The following CCDC91 variants were observed in gnomAD, a reference collection of about 807,000 sequenced individuals.
The protein encoded by CCDC91 is coiled-coil domain containing 91, also known as coiled-coil domain-containing protein 91.
In CCDC91, 48 loss-of-function variants were observed where a neutral mutation model predicts 63.2. That is an observed-to-expected ratio of 0.76 (90% CI 0.60 to 0.97). CCDC91 has a LOEUF of 0.97. Among genes scored for constraint, CCDC91 ranks in the 50% least tolerant of loss-of-function variants. The pLI is 0.00. For synonymous variants in CCDC91, 167 were observed against 165.8 expected (o/e 1.01, Z -0.06); for missense variants, 500 against 494.6 (o/e 1.01, Z -0.10).
At chr12:28,194,739 T>C (rs961951223) in intron 1 of CCDC91, among the ~76,000 whole-genome samples, 2 of 149,916 alleles carry the variant, frequency 1.3e-5, no homozygotes, top group African/African-American at 4.9e-5. Context: ...GTGTCCTGAG[T>C]TGTTTGTTCC....
intron 8 of CCDC91, among the ~76,000 whole-genome samples, chr12:28,420,743 G>T (rs1947954069): frequency 6.7e-6 from 1 of 149,936 alleles, no homozygotes; most frequent in Non-Finnish European, 1.5e-5. Context: ...AGTGTTGCAG[G>T]TGTGCATTTT....
intron 7 of CCDC91, among the ~76,000 whole-genome samples, chr12:28,369,129 G>C (rs1265516741): frequency 6.6e-6 from 1 of 152,104 alleles, no homozygotes; most frequent in African/African-American, 2.4e-5. Context: ...CCTCATTGCA[G>C]TATTAACCCA....
chr12:28,544,407 C>T (rs2141848467), intron 12 of CCDC91, among the ~76,000 whole-genome samples: 1 of 151,944 alleles, frequency 6.6e-6, no homozygotes. Context: ...AGTCACTTTA[C>T]CCATGAGTGG....
At chr12:28,419,693 A>G (rs1947887059) in intron 8 of CCDC91, among the ~76,000 whole-genome samples, 2 of 152,092 alleles carry the variant, frequency 1.3e-5, no homozygotes. Context: ...TCAATGCAAC[A>G]TTTACTATGT....
chr12:28,268,594 A>G (rs898897052), intron 3 of CCDC91: 44 of 917,172 alleles, frequency 4.8e-5, no homozygotes, highest in East Asian at 1.2e-4. Flanking sequence ...TGGTTCTGGA[A>G]TTCTTCTTGT....
intron 3 of CCDC91, among the ~76,000 whole-genome samples, chr12:28,282,406 C>T (rs149563668): frequency 2.0e-5 from 3 of 152,226 alleles, no homozygotes; most frequent in African/African-American, 7.2e-5. Flanking sequence ...TAATGGCCTC[C>T]AGTTCCATCC....
intron 6 of CCDC91, among the ~76,000 whole-genome samples, chr12:28,313,499 A>G (rs1470558777): frequency 6.6e-6 from 1 of 152,064 alleles, no homozygotes; most frequent in Non-Finnish European, 1.5e-5. Flanking sequence ...TTTTGGATGT[A>G]TCTGTCAGAA....
At chr12:28,259,487 T>A in intron 3 of CCDC91, 45 bp downstream of exon 3, 21 of 1,236,302 alleles carry the variant, frequency 1.7e-5, no homozygotes, top group Non-Finnish European at 2.4e-5. Context: ...TTTTTTCCCA[T>A]GTAACATTTT....
rs1178055847 is a variant in CCDC91, at chr12:28,199,761, C to G, written c.-15+9120C>G. ...TTTTCTTTTAGGAATTTGAATGTATCTTTCCACTGCCTCTGGCCTCCGTGG... is the reference window on the plus strand; with the variant it reads ...TTTTCTTTTAGGAATTTGAATGTATGTTTCCACTGCCTCTGGCCTCCGTGG... On this transcript the variant is annotated intron_variant, in intron 1 of 12. Coordinates refer to ENST00000536442, the MANE Select transcript of CCDC91 (RefSeq NM_018318.5). Among the ~76,000 whole-genome samples, 3 of 152,324 alleles carry G rather than the reference C, an allele frequency of 2.0e-5. No individual in the cohort carries two copies. In the East Asian group the frequency reaches 5.8e-4, roughly 29 times the overall value.
In CCDC91 at chr12:28,339,066, C is replaced by A. The variant is rs188167127; in HGVS notation, c.577-23372C>A. 9.2e-3 allele frequency among the ~76,000 whole-genome samples: 1,407 copies of A among 152,172 alleles called. 28 individuals carry two copies. The highest frequency in any genetic ancestry group is 0.032 in the African/African-American group (1,337 of 41,508). On this transcript the variant is annotated intron_variant, in intron 6 of 12. Coordinates refer to ENST00000536442, the MANE Select transcript of CCDC91 (RefSeq NM_018318.5). ...ATGTTGGCCAGGCTGGTCTGGAACC[C>A]CCGACCTCAGGTGATCCACCTGCCT...
intron 8 of CCDC91, among the ~76,000 whole-genome samples, chr12:28,408,030 A>G (rs1166386125): frequency 1.3e-5 from 2 of 150,464 alleles, no homozygotes; most frequent in African/African-American, 2.4e-5. Flanking sequence ...GGTTTGTTGC[A>G]TAGGTATACA....
At chr12:28,527,282 G>A (rs533520937) in intron 12 of CCDC91, among the ~76,000 whole-genome samples, 17 of 152,246 alleles carry the variant, frequency 1.1e-4, no homozygotes, top group South Asian at 4.1e-4. Flanking sequence ...AGATTATTTT[G>A]TCCCACGGGA....
At chr12:28,528,764 C>T (rs1288646186) in intron 12 of CCDC91, among the ~76,000 whole-genome samples, 1 of 152,062 alleles carries the variant, frequency 6.6e-6, no homozygotes, top group Non-Finnish European at 1.5e-5. Flanking sequence ...TTTTTAGAGA[C>T]AGTGTCTTGC....
At chr12:28,302,672 A>G (rs1463759717) in intron 3 of CCDC91, 1 of 981,232 alleles carries the variant, frequency 1.0e-6, no homozygotes, top group Non-Finnish European at 1.2e-6. Flanking sequence ...ACTTAGTGGT[A>G]TCATTTCTGG....
In CCDC91 at chr12:28,201,589, G is replaced by A. The variant is rs878968801; in HGVS notation, c.-15+10948G>A. On this transcript the variant is annotated intron_variant, in intron 1 of 12. Coordinates refer to ENST00000536442, the MANE Select transcript of CCDC91 (RefSeq NM_018318.5). ...GCTCCTCACGTCCCAGGCGATGGGC[G>A]GCCAGGCAGAGACGCTCCTCACTTC... Among the ~76,000 whole-genome samples the A allele has an allele frequency of 3.4e-5, 5 of 146,044 alleles. No homozygotes were observed. In the East Asian group the frequency reaches 7.9e-4, roughly 23 times the overall value.
At chr12:28,332,019 T>C (rs1941559707) in intron 6 of CCDC91, among the ~76,000 whole-genome samples, 1 of 152,174 alleles carries the variant, frequency 6.6e-6, no homozygotes, top group African/African-American at 2.4e-5. Context: ...ATTTCCTTCA[T>C]AGTCAGAAAA....
chr12:28,257,041 A>G (rs1269426963), intron 1 of CCDC91, 161 bp from the exon 2 acceptor site: 2 of 493,054 alleles, frequency 4.1e-6, no homozygotes, highest in South Asian at 4.3e-5. Flanking sequence ...TAATTTTGCC[A>G]AAAAGTAAAA....
intron 3 of CCDC91, among the ~76,000 whole-genome samples, chr12:28,281,539 A>G (rs185894636): frequency 2.2e-4 from 33 of 152,334 alleles, no homozygotes; most frequent in Non-Finnish European, 4.4e-4. Context: ...AAATACCTTC[A>G]CAGCAACATC....
chr12:28,323,256 GT>G (rs1423885293), intron 6 of CCDC91, among the ~76,000 whole-genome samples: 16 of 151,462 alleles, frequency 1.1e-4, no homozygotes. Flanking sequence ...TTCAATTCCG[GT>G]CATTTTGTAG....
Sources: allele counts gnomAD v4.1 joint callset (sites outside exome capture counted in the v4.1 genomes callset), GRCh38; gene constraint gnomAD v4.1.1; transcripts MANE v1.5; gene names NCBI Gene and HGNC (gene_info 2026-07-23, HGNC 2026-07-21).